Variants in IGSF21 observed in about 807,000 individuals in gnomAD.
The protein encoded by IGSF21 is immunoglobulin superfamily member 21.
IGSF21 carries 28 observed loss-of-function variants against 46.8 expected under a neutral mutation model. The ratio of observed to expected loss-of-function variants is 0.60; its 90% CI spans 0.44 to 0.82. The LOEUF is 0.82. IGSF21 is among the 40% of genes least tolerant of loss of function. IGSF21 has a pLI of 0.00. For missense variants in IGSF21, 624 were observed against 665.5 expected (o/e 0.94, Z 0.69); for synonymous variants, 284 against 273.6 (o/e 1.04, Z -0.38).
At chr1:18,358,481 C>T (rs191971845) in intron 4 of IGSF21, among the ~76,000 whole-genome samples, 16 of 152,342 alleles carry the variant, frequency 1.1e-4, no homozygotes, top group Admixed American at 7.8e-4. Context: ...AACCACATTT[C>T]AGGTGCTCCC....
chr1:18,114,601 C>T (rs2086172680), intron 1 of IGSF21: 1 of 152,176 alleles, frequency 6.6e-6, no homozygotes. Flanking sequence ...GTAGCAGAGG[C>T]CCTGACTAGA....
intron 4 of IGSF21, among the ~76,000 whole-genome samples, chr1:18,359,659 A>G (rs1326380685): frequency 1.3e-5 from 2 of 152,154 alleles, no homozygotes. Context: ...CCTGATACCT[A>G]TTCACCTGCC....
chr1:18,182,968 C>G (rs897911068), intron 1 of IGSF21, among the ~76,000 whole-genome samples: 7 of 152,206 alleles, frequency 4.6e-5, no homozygotes, highest in African/African-American at 1.7e-4. Context: ...CCTTATCCAG[C>G]AGACGCGACA....
chr1:18,334,838 G>T lies in IGSF21; in HGVS notation c.306-54G>T. The T allele has an allele frequency of 7.4e-7, 1 of 1,343,314 alleles. No homozygotes were observed. The allele number at this position is 1,343,314 out of a possible 1,614,324, so 83.2% of individuals were successfully genotyped here. ...ATCAGGATGAGTTTCCTTGAACGCT[G>T]CCTCACCCAGCCCCACGATGAAGGG... On this transcript the variant is annotated intron_variant, in intron 3 of 9. Transcript: ENST00000251296. This position sits in a 1 kb window ranked among gnomAD's most constrained non-coding sequence, Gnocchi z 4.3.
chr1:18,287,192 AT>A (rs1363960172), intron 2 of IGSF21, among the ~76,000 whole-genome samples: 2 of 77,738 alleles, frequency 2.6e-5, no homozygotes, highest in South Asian at 5.7e-4. Flanking sequence ...AAAAAAAAAA[AT>A]AAAATAAATA....
At chr1:18,256,765 G>C (rs2084896363) in intron 2 of IGSF21, among the ~76,000 whole-genome samples, 1 of 152,162 alleles carries the variant, frequency 6.6e-6, no homozygotes, top group South Asian at 2.1e-4. Context: ...CTGAGACAGG[G>C]GAGGAGACAT....
At chr1:18,119,425 A>G (rs1219511230) in intron 1 of IGSF21, among the ~76,000 whole-genome samples, 4 of 152,246 alleles carry the variant, frequency 2.6e-5, no homozygotes, top group Non-Finnish European at 4.4e-5. Flanking sequence ...TCACATTTTA[A>G]GTGCTCAACA....
chr1:18,147,759 G>A (rs114886442), intron 1 of IGSF21, among the ~76,000 whole-genome samples: 10 of 152,234 alleles, frequency 6.6e-5, no homozygotes, highest in African/African-American at 2.4e-4. Flanking sequence ...TTTGTGAAAG[G>A]TACTATTATT....
At chr1:18,268,622 C>G (rs751639708) in intron 2 of IGSF21, among the ~76,000 whole-genome samples, 1 of 152,204 alleles carries the variant, frequency 6.6e-6, no homozygotes, top group African/African-American at 2.4e-5. Flanking sequence ...TCTCCTCCGG[C>G]CCTAAGGTGG....
intron 1 of IGSF21, among the ~76,000 whole-genome samples, chr1:18,224,258 C>A (rs750554136): frequency 6.6e-6 from 1 of 152,102 alleles, no homozygotes; most frequent in Non-Finnish European, 1.5e-5. Context: ...GAAAAATTTC[C>A]CACTCTGGCC....
chr1:18,252,920 A>G (rs2084856382), intron 2 of IGSF21, among the ~76,000 whole-genome samples: 1 of 152,122 alleles, frequency 6.6e-6, no homozygotes, highest in Non-Finnish European at 1.5e-5. Flanking sequence ...GCTACATGAG[A>G]TAGTGTAGGT....
chr1:18,221,897 C>T (rs1426990623), intron 1 of IGSF21, among the ~76,000 whole-genome samples: 1 of 152,068 alleles, frequency 6.6e-6, no homozygotes, highest in Non-Finnish European at 1.5e-5. Context: ...TTCTGGCCTC[C>T]CAGGTTCAGG....
chr1:18,178,848 C>T (rs1162084158), intron 1 of IGSF21, among the ~76,000 whole-genome samples: 1 of 152,064 alleles, frequency 6.6e-6, no homozygotes, highest in Non-Finnish European at 1.5e-5. Flanking sequence ...GGGGAGCGAG[C>T]GCAGGGATGC....
rs368666863 is a variant in IGSF21 at position 18,125,987 on chromosome 1, G to A, written c.70+17789G>A. Among the ~76,000 whole-genome samples the A allele has an allele frequency of 1.2e-4, 18 of 152,320 alleles. No individual in the cohort carries two copies. The East Asian group carries it at 3.3e-3, about 28-fold the overall frequency. On this transcript the variant is annotated intron_variant, in intron 1 of 9. Transcript: ENST00000251296. ...GATAACCCAGTTAGTAGTGACCAGGGGAGGCTTGCTATCAGGGAGGACTTC... is the reference window on the plus strand; with the variant it reads ...GATAACCCAGTTAGTAGTGACCAGGAGAGGCTTGCTATCAGGGAGGACTTC...
intron 2 of IGSF21, among the ~76,000 whole-genome samples, chr1:18,276,570 G>A (rs1013931532): frequency 5.3e-5 from 8 of 152,198 alleles, no homozygotes; most frequent in Middle Eastern, 3.4e-3. Context: ...CCCGACCCCC[G>A]CCATCTCTAA....
chr1:18,213,941 C>T (rs575238563), intron 1 of IGSF21, among the ~76,000 whole-genome samples: 1 of 152,224 alleles, frequency 6.6e-6, no homozygotes, highest in South Asian at 2.1e-4. Context: ...CCTTCTCTGG[C>T]CTCATTGTCA....
intron 2 of IGSF21, among the ~76,000 whole-genome samples, chr1:18,230,401 G>T (rs374105778): frequency 5.9e-5 from 9 of 152,300 alleles, no homozygotes; most frequent in African/African-American, 1.9e-4. Flanking sequence ...GCCATGGTAG[G>T]CTGCACTAAT....
At chr1:18,212,857 G>A (rs1168368051) in intron 1 of IGSF21, among the ~76,000 whole-genome samples, 6 of 152,112 alleles carry the variant, frequency 3.9e-5, no homozygotes, top group South Asian at 2.1e-4. Flanking sequence ...TAAGAAAATG[G>A]GAATTCCCCT....
intron 2 of IGSF21, among the ~76,000 whole-genome samples, chr1:18,277,314 T>C (rs986715647): frequency 5.3e-5 from 8 of 152,122 alleles, no homozygotes; most frequent in African/African-American, 1.7e-4. Context: ...GTTGCAAGGA[T>C]GAAATACAGT....
Sources: allele counts gnomAD v4.1 joint callset (sites outside exome capture counted in the v4.1 genomes callset), GRCh38; gene constraint gnomAD v4.1.1; non-coding constraint Gnocchi (gnomAD v3.1); transcripts MANE v1.5; gene names NCBI Gene and HGNC (gene_info 2026-07-23, HGNC 2026-07-21).